Variants in TRANK1 observed in about 807,000 individuals in gnomAD.
TRANK1 encodes TPR and ankyrin repeat-containing protein 1.
TRANK1 carries 198 observed loss-of-function variants against 266.0 expected under a neutral mutation model. The observed-to-expected ratio is 0.74, with a 90% confidence interval of 0.66 to 0.84. TRANK1 has a LOEUF of 0.84. Ranked by LOEUF, TRANK1 falls within the 40% of genes least tolerant of loss-of-function variation. TRANK1 has a pLI of 0.00. For synonymous variants in TRANK1, 1,396 were observed against 1,384.1 expected (o/e 1.01, Z -0.19); for missense variants, 3,326 against 3,634.6 (o/e 0.92, Z 2.18).
intron 1 of TRANK1, among the ~76,000 whole-genome samples, chr3:36,934,660 C>T (rs375003566): frequency 3.9e-5 from 6 of 152,246 alleles, no homozygotes; most frequent in African/African-American, 1.4e-4. Flanking sequence ...ACATTCATTC[C>T]AGGTGGCCAC....
At chr3:36,921,273 G>A (rs916164928) in intron 1 of TRANK1, among the ~76,000 whole-genome samples, 9 of 152,152 alleles carry the variant, frequency 5.9e-5, no homozygotes, top group Non-Finnish European at 1.3e-4. Flanking sequence ...ACAGCAGTAG[G>A]GGCTACCTGC....
chr3:36,921,957 C>T (rs1000315688), intron 1 of TRANK1, among the ~76,000 whole-genome samples: 1 of 152,086 alleles, frequency 6.6e-6, no homozygotes, highest in Non-Finnish European at 1.5e-5. Flanking sequence ...ACCTAGGCAA[C>T]ACAGTGAGAC....
rs922565983 is a variant in TRANK1 at position 36,857,750 on chromosome 3, G to A, written c.1972C>T (p.Gln658Ter). Residue 658 changes from glutamine (Q) to a stop codon, truncating the protein, a stop_gained, in exon 13 of 24, where the codon CAG (glutamine) becomes TAG (stop). Transcript: ENST00000645898. LOFTEE classifies it high-confidence loss of function. This position sits in a 1 kb window ranked among gnomAD's most constrained non-coding sequence, Gnocchi z 4.3. ...ALMENRRRSRQDSAAHLGKLS... is the reference protein window; with the variant it reads ...ALMENRRRSR ...TTCCCCAGGTGGGCAGCAGAGTCCT[G>A]CCGGCTCCTCCTCCTGTTCTCCATC... The A allele has an allele frequency of 1.9e-6, 3 of 1,613,978 alleles. No individual in the cohort carries two copies. Among genetic ancestry groups the A allele is most frequent in the Non-Finnish European group, 2.5e-6 (3 of 1,179,890 alleles).
chr3:36,944,815 CG>C lies in TRANK1; in HGVS notation c.-7del. On this transcript the variant is annotated 5_prime_UTR_variant, in exon 1 of 24. Coordinates refer to ENST00000645898, the MANE Select transcript of TRANK1 (RefSeq NM_001329998.2). ...GCTGCCCGCGGGTCCCACATGGCTG[CG>C]GCCGGAGGGTCCGCACCAGGACCGC... 4 of 1,488,874 alleles carry C rather than the reference CG, an allele frequency of 2.7e-6. No individual in the cohort carries two copies. The highest frequency in any genetic ancestry group is 3.6e-6 in the Non-Finnish European group (4 of 1,126,464). 92.2% of individuals were successfully genotyped at this position (1,488,874 alleles called of 1,614,324 possible).
intron 8 of TRANK1, among the ~76,000 whole-genome samples, chr3:36,886,458 G>T (rs964521010): frequency 1.2e-4 from 18 of 151,986 alleles, no homozygotes; most frequent in African/African-American, 3.9e-4. Context: ...AAGTTGAAAG[G>T]GTTTCTGTGT....
At chr3:36,853,380 T>C (rs1451477342) in intron 13 of TRANK1, among the ~76,000 whole-genome samples, 1 of 152,230 alleles carries the variant, frequency 6.6e-6, no homozygotes, top group East Asian at 1.9e-4. Context: ...AATGGGCATA[T>C]GTATCCCCAT....
intron 3 of TRANK1, among the ~76,000 whole-genome samples, 197 bp from the exon 4 acceptor site, chr3:36,899,456 G>T (rs1356755781): frequency 6.6e-6 from 1 of 152,110 alleles, no homozygotes; most frequent in Non-Finnish European, 1.5e-5. Context: ...AGAGTTGGAG[G>T]CCAGCCTAGG....
chr3:36,878,667 C>T (rs73068046), intron 8 of TRANK1, among the ~76,000 whole-genome samples: 28,983 of 151,478 alleles, frequency 0.19, 3,503 homozygotes, highest in Non-Finnish European at 0.27. Context: ...AGGTACTATA[C>T]GTATTACCCA....
At chr3:36,904,503 A>G (rs955532006) in intron 2 of TRANK1, among the ~76,000 whole-genome samples, 1 of 150,734 alleles carries the variant, frequency 6.6e-6, no homozygotes, top group Non-Finnish European at 1.5e-5. Flanking sequence ...CTGGCAACAC[A>G]GCAAGACTCC....
chr3:36,873,322 AG>A (rs2079336983), intron 9 of TRANK1, among the ~76,000 whole-genome samples: 1 of 152,234 alleles, frequency 6.6e-6, no homozygotes, highest in South Asian at 2.1e-4. Flanking sequence ...CATATCAAGG[AG>A]GAAATCTATG....
rs960114013 is a variant in TRANK1 at position 36,908,459 on chromosome 3, G to A, written c.24-5C>T. 8.1e-7 allele frequency: 1 copy of A among 1,232,082 alleles called. No homozygotes were observed. Among genetic ancestry groups the A allele is most frequent in the Non-Finnish European group, 1.0e-6 (1 of 988,000 alleles). The allele number at this position is 1,232,082 out of a possible 1,614,324, so 76.3% of individuals were successfully genotyped here. On this transcript the variant is annotated splice_region_variant and splice_polypyrimidine_tract_variant and intron_variant, in intron 1 of 23. Transcript: ENST00000645898. ...GCGTAAGCTGTCAGGTCCATCCTGT[G>A]AGGAGACGGGGGAGACGCTTGCTGC... is the stretch of plus-strand genomic sequence containing the variant.
chr3:36,892,871 A>G (rs1417947396), intron 6 of TRANK1, 30 bp downstream of exon 6: 1 of 658,882 alleles, frequency 1.5e-6, no homozygotes, highest in South Asian at 4.8e-5. Context: ...ATATATATAT[A>G]GATATATATA....
intron 1 of TRANK1, among the ~76,000 whole-genome samples, chr3:36,921,346 C>T (rs112109144): frequency 6.6e-5 from 10 of 152,294 alleles, no homozygotes; most frequent in South Asian, 2.1e-4. Context: ...ACTCCATTCA[C>T]GAGTCACATC....
chr3:36,832,783 G>A lies in TRANK1; in HGVS notation c.6800C>T (p.Ser2267Phe). The A allele has an allele frequency of 6.2e-7, 1 of 1,613,970 alleles. No homozygotes were observed. The highest frequency in any genetic ancestry group is 8.5e-7 in the Non-Finnish European group (1 of 1,179,894). ...CTTAGGGAAAAGGACATCCAGAATG[G>A]ACTTGCAAAGGCCATACATATCTGT... ...LSTDMYGLCK[S>F]ILDVLFPKHF... Residue 2267 changes from serine (S) to phenylalanine (F), a missense_variant, in exon 22 of 24, where the codon TCC (serine) becomes TTC (phenylalanine). Coordinates refer to ENST00000645898, the MANE Select transcript of TRANK1 (RefSeq NM_001329998.2).
chr3:36,854,442 A>G (rs2079024508), intron 13 of TRANK1, among the ~76,000 whole-genome samples: 1 of 152,236 alleles, frequency 6.6e-6, no homozygotes, highest in African/African-American at 2.4e-5. Flanking sequence ...AGATATGTCC[A>G]GCATGATCCC....
At chr3:36,852,394 G>GT (rs1208065040) in intron 13 of TRANK1, 49 bp from the exon 14 acceptor site, 9 of 1,481,852 alleles carry the variant, frequency 6.1e-6, no homozygotes, top group Non-Finnish European at 8.1e-6. Flanking sequence ...ACATGGCTGA[G>GT]TTTTTTGGTT....
At chr3:36,884,797 G>A (rs1325492957) in intron 8 of TRANK1, among the ~76,000 whole-genome samples, 1 of 152,050 alleles carries the variant, frequency 6.6e-6, no homozygotes, top group Non-Finnish European at 1.5e-5. Flanking sequence ...GCTGAGCATG[G>A]TGGCACACAC....
chr3:36,833,384 A>G lies in TRANK1; in HGVS notation c.6199T>C (p.Tyr2067His). The change falls in exon 22 of 24, where the codon TAC (tyrosine) becomes CAC (histidine). Residue 2067 changes from tyrosine (Y) to histidine (H), a missense_variant. Coordinates refer to ENST00000645898, the MANE Select transcript of TRANK1 (RefSeq NM_001329998.2). The part of the protein sequence containing the change: ...NHSAGVVEAL[Y>H]EAASQCEAEP... ...GCCTCACACTGGCTGGCTGCTTCGT[A>G]GAGTGCTTCCACCACTCCAGCTGAG... The G allele has an allele frequency of 6.2e-7, 1 of 1,613,834 alleles. No homozygotes were observed. The highest frequency in any genetic ancestry group is 8.5e-7 in the Non-Finnish European group (1 of 1,179,814).
chr3:36,868,911 G>A (rs959046027), intron 9 of TRANK1, among the ~76,000 whole-genome samples: 1 of 152,168 alleles, frequency 6.6e-6, no homozygotes, highest in Non-Finnish European at 1.5e-5. Context: ...AAGCTGACTC[G>A]AAAAGGCCAA....
Sources: allele counts gnomAD v4.1 joint callset (sites outside exome capture counted in the v4.1 genomes callset), GRCh38; gene constraint gnomAD v4.1.1; non-coding constraint Gnocchi (gnomAD v3.1); transcripts MANE v1.5; gene names NCBI Gene and HGNC (gene_info 2026-07-23, HGNC 2026-07-21).